The following SPNS3 variants were observed in gnomAD, a reference collection of about 807,000 sequenced individuals.
SPNS3 encodes SPNS lysolipid transporter 3, sphingosine-1-phosphate (putative), also known as protein spinster homolog 3.
A neutral mutation model predicts 54.4 loss-of-function variants in SPNS3; 51 were observed. The observed-to-expected ratio is 0.94, with a 90% CI of 0.75 to 1.18. The LOEUF (loss-of-function observed/expected upper bound fraction) is 1.18, where lower values mean the gene tolerates loss of function less well. SPNS3 is among the 50% of genes most tolerant of loss of function. The probability of loss-of-function intolerance (pLI) is 0.00; values close to 1 mark genes in which losing one functional copy is unlikely to be tolerated. For synonymous variants in SPNS3, 309 were observed against 294.7 expected (o/e 1.05, Z -0.50); for missense variants, 669 against 677.4 (o/e 0.99, Z 0.14).
Position 4,480,835 on chromosome 17 carries a change from T to C in SPNS3, c.1179+2198T>C, listed in dbSNP as rs879587267. Reference sequence around the variant, plus strand: ...CCAGCCACAATGCTTTGCACCACCATCCCAGAGCCTCCCGCCCCCTTCCCT... The same window carrying C: ...CCAGCCACAATGCTTTGCACCACCACCCCAGAGCCTCCCGCCCCCTTCCCT... On this transcript the variant is annotated intron_variant, in intron 9 of 11. Transcript: ENST00000355530. Among the ~76,000 whole-genome samples the C allele has an allele frequency of 1.8e-4, 24 of 130,438 alleles. No individual in the cohort carries two copies. The Admixed American group carries it at 1.9e-3, about 10-fold the overall frequency. 85.6% of individuals were successfully genotyped at this position (130,438 alleles called of 152,430 possible).
chr17:4,450,381 C>A (rs934706306), intron 7 of SPNS3, among the ~76,000 whole-genome samples: 1 of 148,320 alleles, frequency 6.7e-6, no homozygotes, highest in African/African-American at 2.5e-5. Context: ...CTACCCCTCC[C>A]TCCCTCCTTC....
At chr17:4,480,107 C>T (rs576222881) in intron 9 of SPNS3, among the ~76,000 whole-genome samples, 14 of 152,332 alleles carry the variant, frequency 9.2e-5, no homozygotes, top group Middle Eastern at 3.4e-3. Context: ...TGCCCCTCCC[C>T]GGCAGATCCC....
chr17:4,453,308 A>G, intron 8 of SPNS3, 103 bp downstream of exon 8: 1 of 1,116,460 alleles, frequency 9.0e-7, no homozygotes, highest in South Asian at 1.5e-5. Context: ...AATTATGTTG[A>G]TCACTCCTTC....
chr17:4,444,871 C>T, intron 2 of SPNS3, 161 bp from the exon 3 acceptor site: 1 of 852,230 alleles, frequency 1.2e-6, no homozygotes, highest in Non-Finnish European at 1.8e-6. Context: ...GTTGGCCACG[C>T]ACTGTGAGGT....
chr17:4,442,127 G>A (rs1256978263), intron 2 of SPNS3, among the ~76,000 whole-genome samples: 2 of 152,088 alleles, frequency 1.3e-5, no homozygotes, highest in East Asian at 1.9e-4. Flanking sequence ...GGTGGCCTCA[G>A]GTGAGTCTCT....
intron 2 of SPNS3, among the ~76,000 whole-genome samples, chr17:4,441,920 A>T (rs939387465): frequency 6.6e-6 from 1 of 151,126 alleles, no homozygotes; most frequent in African/African-American, 2.4e-5. Context: ...GGCCCTTACC[A>T]TAGTATGGTT....
intron 8 of SPNS3, 44 bp downstream of exon 8, chr17:4,453,249 G>A (rs772657867): frequency 7.7e-6 from 12 of 1,556,146 alleles, no homozygotes; most frequent in Admixed American, 5.6e-5. Flanking sequence ...GTTGGGGGGC[G>A]AGGAACTCCT....
rs140184355 is a variant in SPNS3 at position 4,440,359 on chromosome 17, C to T, written c.265+636C>T. 2.2e-4 allele frequency among the ~76,000 whole-genome samples: 34 copies of T among 152,300 alleles called. No homozygotes were observed. The East Asian group carries it at 4.6e-3, about 21-fold the overall frequency. On this transcript the variant is annotated intron_variant, in intron 2 of 11. Coordinates refer to ENST00000355530, the MANE Select transcript of SPNS3 (RefSeq NM_182538.5). ...ACACACATGGTCACAACACGTGATA[C>T]GCCTGTGCACACACCCAGGCTGTAA...
At chr17:4,451,053 A>C (rs6502788) in intron 7 of SPNS3, among the ~76,000 whole-genome samples, 84,707 of 151,628 alleles carry the variant, frequency 0.56, 24,402 homozygotes, top group Admixed American at 0.64. Flanking sequence ...GCGGGGGTGC[A>C]TTTTCAGGCA....
chr17:4,456,100 C>T (rs138462013), intron 8 of SPNS3, among the ~76,000 whole-genome samples: 15 of 152,162 alleles, frequency 9.9e-5, no homozygotes, highest in Non-Finnish European at 4.4e-5. Flanking sequence ...TACAGGCGTG[C>T]ACCACCACAC....
intron 4 of SPNS3, 108 bp downstream of exon 4, chr17:4,446,307 T>G: frequency 7.9e-6 from 10 of 1,262,262 alleles, no homozygotes; most frequent in Non-Finnish European, 1.1e-5. Context: ...AGGGCTGGGA[T>G]TTGAGTCCCA....
At chr17:4,470,167 G>T (rs1227800255) in intron 8 of SPNS3, among the ~76,000 whole-genome samples, 1 of 152,114 alleles carries the variant, frequency 6.6e-6, no homozygotes, top group Non-Finnish European at 1.5e-5. Context: ...AGTGACTCAC[G>T]CCTGTAATCC....
chr17:4,473,393 C>CT (rs57102011), intron 8 of SPNS3, among the ~76,000 whole-genome samples: 23,627 of 129,626 alleles, frequency 0.18, 2,704 homozygotes, highest in African/African-American at 0.33. Context: ...TCTTCCCAGT[C>CT]TTTTTTTTTT....
chr17:4,449,593 A>G (rs910954205), intron 7 of SPNS3, among the ~76,000 whole-genome samples: 4 of 151,734 alleles, frequency 2.6e-5, no homozygotes, highest in Non-Finnish European at 5.9e-5. Context: ...GGCCATGGCC[A>G]ACTCTCTTGT....
At position 4,434,042 on chromosome 17, in the gene SPNS3, C is replaced by T. The variant is rs764539990; in HGVS notation, c.75C>T (p.Gly25=). The change falls in exon 1 of 12, where the codon GGC becomes GGT. Residue 25 remains glycine, a synonymous_variant. Transcript: ENST00000355530. ...TGCAGGGCCAGTCCCCAGGGCCAGGCAGGCAGTGTCCCCCTCCCATCACGC... is the reference window on the plus strand; with the variant it reads ...TGCAGGGCCAGTCCCCAGGGCCAGGTAGGCAGTGTCCCCCTCCCATCACGC... ...GGLQGQSPGP[G]RQCPPPITPT... 8 of 1,608,624 alleles carry T rather than the reference C, an allele frequency of 5.0e-6. No individual in the cohort carries two copies. Among genetic ancestry groups the T allele is most frequent in the Non-Finnish European group, 6.8e-6 (8 of 1,177,508 alleles).
At chr17:4,475,361 A>G (rs1175212558) in intron 8 of SPNS3, among the ~76,000 whole-genome samples, 1 of 152,088 alleles carries the variant, frequency 6.6e-6, no homozygotes, top group Non-Finnish European at 1.5e-5. Flanking sequence ...GGGGCCTGGG[A>G]AACTGGGGAG....
chr17:4,455,568 G>A (rs1391700830), intron 8 of SPNS3, among the ~76,000 whole-genome samples: 1 of 152,112 alleles, frequency 6.6e-6, no homozygotes, highest in Non-Finnish European at 1.5e-5. Context: ...TCTTGCCCCG[G>A]TAGGCAATCC....
In SPNS3 at chr17:4,438,163, C is replaced by T. The variant is rs537934079; in HGVS notation, c.200-1495C>T. On this transcript the variant is annotated intron_variant, in intron 1 of 11. Coordinates refer to ENST00000355530, the MANE Select transcript of SPNS3 (RefSeq NM_182538.5). ...ATGGGGCAGCTCTTAGAGGTGTGCACGCAGGGCTTTCTTGGTGTGGGTGTT... is the reference window on the plus strand; with the variant it reads ...ATGGGGCAGCTCTTAGAGGTGTGCATGCAGGGCTTTCTTGGTGTGGGTGTT... 7.9e-5 allele frequency among the ~76,000 whole-genome samples: 12 copies of T among 152,284 alleles called. No homozygotes were observed. The South Asian group carries it at 1.9e-3, about 24-fold the overall frequency.
chr17:4,434,538 C>A (rs1270865835), intron 1 of SPNS3, among the ~76,000 whole-genome samples: 2 of 152,084 alleles, frequency 1.3e-5, no homozygotes, highest in East Asian at 3.9e-4. Context: ...GCTCTGTCGC[C>A]CAGGCTGGAG....
Sources: allele counts gnomAD v4.1 joint callset (sites outside exome capture counted in the v4.1 genomes callset), GRCh38; gene constraint gnomAD v4.1.1; transcripts MANE v1.5; gene names NCBI Gene and HGNC (gene_info 2026-07-23, HGNC 2026-07-21).